The following CELF2 variants were observed in gnomAD, a reference collection of about 807,000 sequenced individuals.
CELF2 encodes CUG triplet repeat RNA-binding protein 2.
CELF2 carries 8 observed loss-of-function variants against 62.6 expected under a neutral mutation model. That is an observed-to-expected ratio of 0.13 (90% CI 0.07 to 0.23). The LOEUF (loss-of-function observed/expected upper bound fraction) is 0.23. CELF2 is among the 10% of genes least tolerant of loss of function. CELF2 has a pLI of 1.00. For synonymous variants in CELF2, 258 were observed against 250.0 expected (o/e 1.03, Z -0.30); for missense variants, 333 against 671.0 (o/e 0.50, Z 5.56).
the CELF2 span, among the ~76,000 whole-genome samples, chr10:10,478,306 G>A: frequency 1.3e-5 from 2 of 152,290 alleles, no homozygotes; most frequent in South Asian, 4.1e-4. Flanking sequence ...ATTTGCTGAA[G>A]CTCACAACCC....
At chr10:10,912,871 G>T (rs1393193044) in intron 1 of CELF2, among the ~76,000 whole-genome samples, 1 of 152,170 alleles carries the variant, frequency 6.6e-6, no homozygotes, top group African/African-American at 2.4e-5. Flanking sequence ...GCATGGCCTT[G>T]GGAAGTAACA....
chr10:11,277,514 C>T (rs185102324), intron 8 of CELF2, among the ~76,000 whole-genome samples: 43 of 152,332 alleles, frequency 2.8e-4, no homozygotes, highest in African/African-American at 9.4e-4. Context: ...CAGCTCTCAC[C>T]CCTCTAAGAG....
At chr10:10,668,233 A>C in the CELF2 span, among the ~76,000 whole-genome samples, 1 of 152,206 alleles carries the variant, frequency 6.6e-6, no homozygotes, top group African/African-American at 2.4e-5. Flanking sequence ...CATCCGTGAA[A>C]TCATCACAAT....
rs2095291836 is a variant in CELF2, at chr10:11,319,366, G to C, written c.1097-1823G>C. ...ATGAAGTAAGATCACTGGAGGAATA[G>C]AGAAATGACTCTCCAGCCCTCTGGT... On this transcript the variant is annotated intron_variant, in intron 10 of 12. Transcript: ENST00000633077. This position sits in a 1 kb window ranked among gnomAD's most constrained non-coding sequence, Gnocchi z 4.4. Among the ~76,000 whole-genome samples, 1 of 152,164 alleles carries C rather than the reference G, an allele frequency of 6.6e-6. No homozygotes were observed. Among genetic ancestry groups the C allele is most frequent in the Non-Finnish European group, 1.5e-5 (1 of 68,022 alleles).
At chr10:10,872,222 A>ATGAT (rs1329337339) in intron 1 of CELF2, among the ~76,000 whole-genome samples, 1 of 152,230 alleles carries the variant, frequency 6.6e-6, no homozygotes. Flanking sequence ...CTGGGTTGCT[A>ATGAT]TGATTGTATC....
the CELF2 span, among the ~76,000 whole-genome samples, chr10:10,753,299 C>CTGTGTGTGTGTGTGTGTGTG: frequency 1.3e-5 from 2 of 149,908 alleles, no homozygotes; most frequent in Middle Eastern, 3.4e-3. Context: ...TTCCAAAGCT[C>CTGTGTGTGTGTGTGTGTGTG]TGTGTGTGTG....
At chr10:11,064,010 A>G (rs1159455479) in intron 1 of CELF2, among the ~76,000 whole-genome samples, 1 of 152,198 alleles carries the variant, frequency 6.6e-6, no homozygotes, top group Non-Finnish European at 1.5e-5. Context: ...ACAGGAAACT[A>G]ATTCCTGAGT....
the CELF2 span, among the ~76,000 whole-genome samples, chr10:10,743,545 G>A: frequency 2.6e-5 from 4 of 152,184 alleles, no homozygotes; most frequent in African/African-American, 9.7e-5. Context: ...CTCACTGATA[G>A]GCAACTTATG....
rs1235730723 is a variant in CELF2 at position 10,835,986 on chromosome 10, G to T, written c.53+37169G>T. 2.0e-5 allele frequency among the ~76,000 whole-genome samples: 3 copies of T among 152,124 alleles called. No homozygotes were observed. In the East Asian group the frequency reaches 5.8e-4, roughly 29 times the overall value. Reference sequence around the variant, plus strand: ...ATTAGGGGGTGATTTGAAGTGGAGGGAGGGGAGGTTGAAAGACCAATTTTG... The same window carrying T: ...ATTAGGGGGTGATTTGAAGTGGAGGTAGGGGAGGTTGAAAGACCAATTTTG... On this transcript the variant is annotated intron_variant, in intron 1 of 13. Transcript: ENST00000636488.
At chr10:11,038,067 T>G (rs1345688899) in intron 1 of CELF2, among the ~76,000 whole-genome samples, 2 of 152,180 alleles carry the variant, frequency 1.3e-5, no homozygotes, top group African/African-American at 4.8e-5. Flanking sequence ...CCATGTTAAG[T>G]TATAAACCAA....
In CELF2 at chr10:11,099,877, A is replaced by G. The variant is rs568037058; in HGVS notation, c.75-65609A>G. The stretch of plus-strand genomic sequence containing the variant: ...TCCTTGTTTCTACATTAAAACAACA[A>G]CAACAACAAAAAAAAAAAAAAAAAA... On this transcript the variant is annotated intron_variant, in intron 1 of 12. Transcript: ENST00000633077. Among the ~76,000 whole-genome samples, 69 of 117,228 alleles carry G rather than the reference A, an allele frequency of 5.9e-4. No individual in the cohort carries two copies. In the South Asian group the frequency reaches 0.017, roughly 28 times the overall value. 76.9% of individuals were successfully genotyped at this position (117,228 alleles called of 152,430 possible).
chr10:10,546,975 C>A, the CELF2 span, among the ~76,000 whole-genome samples: 1 of 152,160 alleles, frequency 6.6e-6, no homozygotes, highest in Non-Finnish European at 1.5e-5. Context: ...GGCATGGTGG[C>A]ATGCGCCTGT....
the CELF2 span, among the ~76,000 whole-genome samples, chr10:10,470,057 G>T: frequency 1.3e-5 from 2 of 151,818 alleles, no homozygotes; most frequent in South Asian, 4.1e-4. Flanking sequence ...TAAGATTAGG[G>T]ATTCTGAACT....
intron 1 of CELF2, among the ~76,000 whole-genome samples, chr10:10,906,717 CTTTTTTT>C (rs397846553): frequency 1.8e-5 from 2 of 109,284 alleles, no homozygotes; most frequent in South Asian, 2.9e-4. Flanking sequence ...TTTTTCTTTT[CTTTTTTT>C]TTTTTTTTTT....
chr10:10,616,962 G>A, the CELF2 span, among the ~76,000 whole-genome samples: 1 of 151,940 alleles, frequency 6.6e-6, no homozygotes, highest in Admixed American at 6.6e-5. Flanking sequence ...TCGCTATGTT[G>A]CCTAGGCTGG....
In CELF2 at chr10:10,896,482, G is replaced by T. The variant is rs186698676; in HGVS notation, c.54-23482G>T. Among the ~76,000 whole-genome samples the T allele has an allele frequency of 2.6e-4, 39 of 152,122 alleles. No individual in the cohort carries two copies. The East Asian group carries it at 7.3e-3, about 29-fold the overall frequency. ...ACCTTATTTGGAAATAGGGTCTTTG[G>T]AGATATAAATAGTTAAGATGGGGTC... On this transcript the variant is annotated intron_variant, in intron 1 of 13. Coordinates refer to the CELF2 transcript ENST00000636488.
chr10:11,087,581 G>A (rs746600698), intron 1 of CELF2, among the ~76,000 whole-genome samples: 1 of 152,194 alleles, frequency 6.6e-6, no homozygotes, highest in African/African-American at 2.4e-5. Context: ...TTCTCAAAAT[G>A]CCAGTGCATT....
chr10:10,464,238 G>C, the CELF2 span, among the ~76,000 whole-genome samples: 1 of 152,110 alleles, frequency 6.6e-6, no homozygotes, highest in Non-Finnish European at 1.5e-5. Context: ...AAATGCTGTG[G>C]AGTTAATAGT....
intron 1 of CELF2, among the ~76,000 whole-genome samples, chr10:10,814,369 T>C (rs547039027): frequency 6.6e-6 from 1 of 152,172 alleles, no homozygotes; most frequent in Non-Finnish European, 1.5e-5. Context: ...GTATCCATGA[T>C]TGCTGTCTTC....
Sources: allele counts gnomAD v4.1 joint callset (sites outside exome capture counted in the v4.1 genomes callset), GRCh38; gene constraint gnomAD v4.1.1; non-coding constraint Gnocchi (gnomAD v3.1); transcripts MANE v1.5; gene names NCBI Gene and HGNC (gene_info 2026-07-23, HGNC 2026-07-21).